Variants in PSPC1 observed in about 807,000 individuals in gnomAD.
PSPC1 encodes the protein paraspeckle component 1.
A neutral mutation model predicts 51.6 loss-of-function variants in PSPC1; 14 were observed. The observed-to-expected ratio is 0.27, with a 90% CI of 0.18 to 0.42. The LOEUF (loss-of-function observed/expected upper bound fraction) is 0.42. Among genes scored for constraint, PSPC1 ranks in the 10% least tolerant of loss-of-function variants. The pLI is 1.00. For missense variants in PSPC1, 406 were observed against 701.1 expected (o/e 0.58, Z 4.75); for synonymous variants, 193 against 231.9 (o/e 0.83, Z 1.53).
At chr13:19,754,589 G>A (rs1372842103) in intron 3 of PSPC1, among the ~76,000 whole-genome samples, 1 of 149,900 alleles carries the variant, frequency 6.7e-6, no homozygotes, top group South Asian at 2.1e-4. Flanking sequence ...ACAGGTGCAC[G>A]CCACCACGTC....
chr13:19,755,237 A>T (rs1007737933), intron 3 of PSPC1, among the ~76,000 whole-genome samples: 1 of 149,556 alleles, frequency 6.7e-6, no homozygotes, highest in African/African-American at 2.4e-5. Context: ...CCCTGTCTCA[A>T]AAAAAAAAAG....
At chr13:19,705,065 T>C (rs1382704127) in intron 8 of PSPC1, among the ~76,000 whole-genome samples, 1 of 152,208 alleles carries the variant, frequency 6.6e-6, no homozygotes. Flanking sequence ...ATAAAATGCT[T>C]GAACGTTAGA....
intron 6 of PSPC1, among the ~76,000 whole-genome samples, chr13:19,695,228 T>G (rs1404057376): frequency 6.6e-6 from 1 of 152,246 alleles, no homozygotes; most frequent in Non-Finnish European, 1.5e-5. Flanking sequence ...AGGGAATATT[T>G]CATCCATTCA....
intron 4 of PSPC1, among the ~76,000 whole-genome samples, chr13:19,744,801 G>A (rs1297386486): frequency 6.6e-6 from 1 of 152,112 alleles, no homozygotes; most frequent in African/African-American, 2.4e-5. Flanking sequence ...GTAACCTTGT[G>A]ATCCACCCGC....
At chr13:19,765,404 G>C (rs1887976134) in intron 2 of PSPC1, among the ~76,000 whole-genome samples, 1 of 147,390 alleles carries the variant, frequency 6.8e-6, no homozygotes, top group South Asian at 2.1e-4. Context: ...TTATGATGGA[G>C]AAAAAATAAA....
chr13:19,694,873 C>A (rs1879020182), intron 6 of PSPC1, among the ~76,000 whole-genome samples: 2 of 152,142 alleles, frequency 1.3e-5, no homozygotes, highest in South Asian at 2.1e-4. Context: ...ATTTTCTAGG[C>A]CCCTTAACTA....
intron 6 of PSPC1, among the ~76,000 whole-genome samples, chr13:19,718,602 C>G (rs1882402259): frequency 6.6e-6 from 1 of 152,032 alleles, no homozygotes. Context: ...CATACTCTTA[C>G]CATCTGATAC....
chr13:19,771,910 C>T (rs1326442230), intron 2 of PSPC1, among the ~76,000 whole-genome samples: 1 of 152,096 alleles, frequency 6.6e-6, no homozygotes, highest in Admixed American at 6.6e-5. Context: ...CCCTGAGGTG[C>T]TTTTTATTAA....
intron 6 of PSPC1, among the ~76,000 whole-genome samples, chr13:19,680,811 T>C (rs1209338482): frequency 6.6e-6 from 1 of 151,890 alleles, no homozygotes; most frequent in Non-Finnish European, 1.5e-5. Flanking sequence ...CAAAAGCGAG[T>C]GAAAAAGGCC....
At chr13:19,717,327 A>C (rs1420843805) in intron 6 of PSPC1, among the ~76,000 whole-genome samples, 1 of 149,504 alleles carries the variant, frequency 6.7e-6, no homozygotes, top group African/African-American at 2.5e-5. Context: ...GCACTATGGG[A>C]GGCTGAGGCA....
chr13:19,751,237 A>G, intron 4 of PSPC1, 34 bp downstream of exon 4: 1 of 1,483,550 alleles, frequency 6.7e-7, no homozygotes, highest in Non-Finnish European at 8.9e-7. Flanking sequence ...GAAAAAAAAA[A>G]TCATACCACA....
intron 4 of PSPC1, among the ~76,000 whole-genome samples, chr13:19,749,932 C>T (rs1342728240): frequency 6.6e-6 from 1 of 152,078 alleles, no homozygotes; most frequent in Non-Finnish European, 1.5e-5. Flanking sequence ...GTTTGCTGGG[C>T]TCGATTTTGT....
Position 19,735,742 on chromosome 13 carries a change from T to A in PSPC1, c.1053-5398A>T, listed in dbSNP as rs140124971. Among the ~76,000 whole-genome samples the A allele has an allele frequency of 9.9e-4, 151 of 152,284 alleles. 1 individual carries two copies. The highest frequency in any genetic ancestry group is 3.4e-3 in the African/African-American group (141 of 41,566). Reference sequence around the variant, plus strand: ...ATTTAATTGTGACAATTTTCTTCATTTGCTCCATCTTGCAAATATATATGA... The same window carrying A: ...ATTTAATTGTGACAATTTTCTTCATATGCTCCATCTTGCAAATATATATGA... On this transcript the variant is annotated intron_variant, in intron 5 of 8. Transcript: ENST00000338910.
chr13:19,744,984 CAAATAA>C (rs993133228), intron 4 of PSPC1, among the ~76,000 whole-genome samples: 1 of 152,126 alleles, frequency 6.6e-6, no homozygotes, highest in African/African-American at 2.4e-5. Flanking sequence ...CTTACTAAAC[CAAATAA>C]CACTTTGAAA....
chr13:19,766,675 CA>C (rs992166348), intron 2 of PSPC1, among the ~76,000 whole-genome samples: 3 of 150,532 alleles, frequency 2.0e-5, no homozygotes, highest in Non-Finnish European at 4.4e-5. Flanking sequence ...ACCTTATCTC[CA>C]AAAAAAAGCT....
chr13:19,769,723 G>C (rs953267151), intron 2 of PSPC1, among the ~76,000 whole-genome samples: 1 of 151,618 alleles, frequency 6.6e-6, no homozygotes, highest in East Asian at 1.9e-4. Flanking sequence ...CAACAAGAGC[G>C]AAAACTCCGT....
intron 8 of PSPC1, among the ~76,000 whole-genome samples, 186 bp downstream of exon 8, chr13:19,705,476 T>C (rs1880531750): frequency 6.6e-6 from 1 of 150,650 alleles, no homozygotes; most frequent in Non-Finnish European, 1.5e-5. Context: ...TCGGCAATAG[T>C]GCGAGACTCT....
chr13:19,752,181 G>A (rs1055604680), intron 3 of PSPC1, among the ~76,000 whole-genome samples: 2 of 152,050 alleles, frequency 1.3e-5, no homozygotes, highest in African/African-American at 4.8e-5. Context: ...CAATTAATTG[G>A]GTAGGCCCCA....
At position 19,767,145 on chromosome 13, in the gene PSPC1, T is replaced by C. The variant is rs1228189607; in HGVS notation, c.674+5097A>G. ...CCAACATGGTGAAACCCCAGCTCTA[T>C]TAAAAATACGAAAAAAAATAAAAAA... On this transcript the variant is annotated intron_variant, in intron 2 of 8. Coordinates refer to ENST00000338910, the MANE Select transcript of PSPC1 (RefSeq NM_001354909.2). Among the ~76,000 whole-genome samples, 3 of 151,350 alleles carry C rather than the reference T, an allele frequency of 2.0e-5. No homozygotes were observed. In the East Asian group the frequency reaches 5.8e-4, roughly 29 times the overall value.
Sources: gnomAD v4.1 joint callset for allele counts (sites outside exome capture counted in the v4.1 genomes callset) on GRCh38, gnomAD v4.1.1 for gene constraint, MANE v1.5 for transcripts, NCBI Gene and HGNC (gene_info 2026-07-23, HGNC 2026-07-21) for gene names.